Variants in GRM1 observed in about 807,000 individuals in gnomAD.
GRM1 encodes the protein metabotropic glutamate receptor 1.
A neutral mutation model predicts 90.9 loss-of-function variants in GRM1; 33 were observed. That is an observed-to-expected ratio of 0.36 (90% CI 0.28 to 0.49). The LOEUF (loss-of-function observed/expected upper bound fraction) is 0.49. Among genes scored for constraint, GRM1 ranks in the 20% least tolerant of loss-of-function variants. GRM1 has a pLI of 0.99. For synonymous variants in GRM1, 700 were observed against 613.2 expected, an observed-to-expected ratio of 1.14 and a Z score of -2.09; for missense variants, 1,190 against 1,534.3, an observed-to-expected ratio of 0.78 and a Z score of 3.75.
Position 146,238,887 on chromosome 6 carries a change from TAGA to T in GRM1, c.951-65721_951-65719del, listed in dbSNP as rs563446895. The stretch of plus-strand genomic sequence containing the variant: ...CACTTTTCACAAAACTCCTTGTAAA[TAGA>T]AGGTTAAGCCTAAAAAATATGCCCA... On this transcript the variant is annotated intron_variant, in intron 2 of 7. Transcript: ENST00000282753. Among the ~76,000 whole-genome samples the T allele has an allele frequency of 2.6e-3, 402 of 152,264 alleles. 2 individuals are homozygous for T. The highest frequency in any genetic ancestry group is 0.02 in the Middle Eastern group (6 of 294).
chr6:146,193,677 T>C (rs971620741), intron 2 of GRM1, among the ~76,000 whole-genome samples: 5 of 152,178 alleles, frequency 3.3e-5, no homozygotes, highest in African/African-American at 9.7e-5. Context: ...ATGCAATACA[T>C]TTTTTGTTCT....
chr6:146,088,641 G>T (rs1479919578), intron 1 of GRM1, among the ~76,000 whole-genome samples: 6 of 152,016 alleles, frequency 3.9e-5, no homozygotes, highest in Admixed American at 3.9e-4. Flanking sequence ...AGATGTCATT[G>T]GTCCAAACAC....
intron 2 of GRM1, among the ~76,000 whole-genome samples, chr6:146,266,755 T>A (rs1194241951): frequency 6.6e-6 from 1 of 152,278 alleles, no homozygotes; most frequent in Non-Finnish European, 1.5e-5. Context: ...GGGCTCTGGC[T>A]AGAAAACAAC....
At chr6:146,047,275 A>T (rs1791366354) in intron 1 of GRM1, among the ~76,000 whole-genome samples, 1 of 148,104 alleles carries the variant, frequency 6.8e-6, no homozygotes, top group Non-Finnish European at 1.5e-5. Flanking sequence ...TTTCCTGCCC[A>T]CTCATTTTTC....
rs533565713 is a variant in GRM1, at chr6:146,116,980, T to G, written c.701-42368T>G. Among the ~76,000 whole-genome samples, 11 of 152,058 alleles carry G rather than the reference T, an allele frequency of 7.2e-5. No individual in the cohort carries two copies. In the South Asian group the frequency reaches 2.1e-3, roughly 29 times the overall value. On this transcript the variant is annotated intron_variant, in intron 1 of 7. Transcript: ENST00000282753. ...CAATGTGGTTTACTTGCATTTTCTTTTTATTTCCTTGAGTAAATCTGGAAG... is the reference window on the plus strand; with the variant it reads ...CAATGTGGTTTACTTGCATTTTCTTGTTATTTCCTTGAGTAAATCTGGAAG...
intron 7 of GRM1, among the ~76,000 whole-genome samples, chr6:146,409,661 A>G (rs937125172): frequency 3.3e-5 from 5 of 152,210 alleles, no homozygotes; most frequent in Admixed American, 2.0e-4. Context: ...TTACAGGACA[A>G]CAATAAAATA....
chr6:146,239,501 G>A (rs1461971964), intron 2 of GRM1, among the ~76,000 whole-genome samples: 8 of 152,006 alleles, frequency 5.3e-5, no homozygotes, highest in African/African-American at 1.9e-4. Flanking sequence ...ATACAGGCAG[G>A]TTCTTTATAC....
At chr6:146,196,463 A>ATTTTTTTTTTTT (rs772811053) in intron 2 of GRM1, among the ~76,000 whole-genome samples, 2 of 85,982 alleles carry the variant, frequency 2.3e-5, no homozygotes, top group African/African-American at 9.1e-5. Context: ...AATTTTTTGT[A>ATTTTTTTTTTTT]TTTTTTTTTT....
chr6:146,121,576 G>C (rs1420094711), intron 1 of GRM1, among the ~76,000 whole-genome samples: 1 of 152,118 alleles, frequency 6.6e-6, no homozygotes, highest in Non-Finnish European at 1.5e-5. Flanking sequence ...GGCATTTAGT[G>C]CTATAAATTT....
intron 3 of GRM1, among the ~76,000 whole-genome samples, chr6:146,311,713 T>C (rs1783775374): frequency 6.6e-6 from 1 of 152,344 alleles, no homozygotes; most frequent in Admixed American, 6.5e-5. Flanking sequence ...AATAGTTTAT[T>C]TCTTATAAAC....
At chr6:146,419,531 G>A (rs1235591619) in intron 7 of GRM1, among the ~76,000 whole-genome samples, 2 of 152,164 alleles carry the variant, frequency 1.3e-5, no homozygotes, top group Admixed American at 6.5e-5. Flanking sequence ...GAGGCTGAGT[G>A]TATTTGTTCA....
chr6:146,361,503 G>C (rs1775468921), intron 5 of GRM1, among the ~76,000 whole-genome samples: 1 of 152,150 alleles, frequency 6.6e-6, no homozygotes, highest in Admixed American at 6.5e-5. Context: ...GGTAGAAAGG[G>C]GAGGAAAGGT....
chr6:146,362,876 A>C (rs1409193521), intron 5 of GRM1, among the ~76,000 whole-genome samples: 1 of 152,116 alleles, frequency 6.6e-6, no homozygotes. Context: ...GAGCAGATTC[A>C]TTGAGAATCA....
intron 3 of GRM1, among the ~76,000 whole-genome samples, chr6:146,313,776 A>C (rs1000793856): frequency 1.3e-5 from 2 of 152,148 alleles, no homozygotes. Flanking sequence ...TATATGCCCA[A>C]GAAACATTTA....
At chr6:146,331,886 C>T (rs904431428) in intron 3 of GRM1, among the ~76,000 whole-genome samples, 1 of 152,050 alleles carries the variant, frequency 6.6e-6, no homozygotes, top group African/African-American at 2.4e-5. Context: ...TTAAGGTCAA[C>T]TCATTGGTTG....
intron 2 of GRM1, chr6:146,171,408 A>T (rs1265232001): frequency 1.2e-5 from 2 of 160,464 alleles, no homozygotes; most frequent in African/African-American, 4.8e-5. Flanking sequence ...ATGTCCAGTC[A>T]AGGACACTTT....
intron 3 of GRM1, 108 bp downstream of exon 3, chr6:146,304,954 C>T (rs566258531): frequency 1.3e-6 from 1 of 793,560 alleles, no homozygotes; most frequent in South Asian, 1.4e-5. Flanking sequence ...GATCCAAAGA[C>T]AAAATTGCCA....
rs914904649 is a variant in GRM1 at position 146,064,981 on chromosome 6, G to A, written c.700+34764G>A. Among the ~76,000 whole-genome samples, 11 of 150,770 alleles carry A rather than the reference G, an allele frequency of 7.3e-5. No homozygotes were observed. The Admixed American group carries it at 7.3e-4, about 10-fold the overall frequency. On this transcript the variant is annotated intron_variant, in intron 1 of 7. Coordinates refer to ENST00000282753, the MANE Select transcript of GRM1 (RefSeq NM_001278064.2). Reference sequence around the variant, plus strand: ...TACCTTATTGAAGATAATTGTCAAAGTTGCTAGATAATCTTCAAAGCCTTG... The same window carrying A: ...TACCTTATTGAAGATAATTGTCAAAATTGCTAGATAATCTTCAAAGCCTTG...
chr6:146,362,550 G>T (rs986510148), intron 5 of GRM1, among the ~76,000 whole-genome samples: 2 of 149,670 alleles, frequency 1.3e-5, no homozygotes, highest in Non-Finnish European at 2.9e-5. Flanking sequence ...GTGGTGGCAG[G>T]CGCCTGTAAT....
Sources: gnomAD v4.1 joint callset for allele counts (sites outside exome capture counted in the v4.1 genomes callset) on GRCh38, gnomAD v4.1.1 for gene constraint, MANE v1.5 for transcripts, NCBI Gene and HGNC (gene_info 2026-07-23, HGNC 2026-07-21) for gene names.